TBC1D32: variants seen among roughly 807,000 people sequenced by gnomAD.
TBC1D32 encodes protein broad-minded.
In TBC1D32, 151 loss-of-function variants were observed where a neutral mutation model predicts 170.3. The observed-to-expected ratio is 0.89, with a 90% confidence interval of 0.78 to 1.01. The LOEUF (loss-of-function observed/expected upper bound fraction) is 1.01, where lower values mean the gene tolerates loss of function less well. TBC1D32 is among the 50% of genes least tolerant of loss of function. TBC1D32 has a pLI of 0.00. For synonymous variants in TBC1D32, 498 were observed against 488.0 expected, an observed-to-expected ratio of 1.02 and a Z score of -0.27; for missense variants, 1,464 against 1,457.1, an observed-to-expected ratio of 1.00 and a Z score of -0.08.
chr6:121,124,871 G>C (rs1780663696), intron 26 of TBC1D32, among the ~76,000 whole-genome samples: 1 of 151,426 alleles, frequency 6.6e-6, no homozygotes, highest in Non-Finnish European at 1.5e-5. Flanking sequence ...CAGGATTTCT[G>C]GTTAATTTTT....
intron 17 of TBC1D32, among the ~76,000 whole-genome samples, chr6:121,248,809 T>C (rs570672010): frequency 1.3e-5 from 2 of 150,628 alleles, no homozygotes; most frequent in Non-Finnish European, 3.0e-5. Flanking sequence ...AATCAGCAAT[T>C]AAAAAAAACT....
chr6:121,202,277 A>C (rs1791672125), intron 22 of TBC1D32, among the ~76,000 whole-genome samples: 1 of 87,132 alleles, frequency 1.1e-5, no homozygotes, highest in Admixed American at 9.7e-5. Context: ...TGACTAGAGA[A>C]TGAAAAAAAA....
intron 2 of TBC1D32, among the ~76,000 whole-genome samples, chr6:121,321,037 C>A (rs1290405064): frequency 6.6e-6 from 1 of 152,114 alleles, no homozygotes; most frequent in Non-Finnish European, 1.5e-5. Flanking sequence ...AATAATTATT[C>A]CAGTTAAATA....
chr6:121,179,865 G>A (rs765277568), intron 22 of TBC1D32, among the ~76,000 whole-genome samples: 11 of 152,026 alleles, frequency 7.2e-5, no homozygotes, highest in Non-Finnish European at 1.5e-4. Flanking sequence ...TACAGCTTTT[G>A]TCTCCATATA....
At chr6:121,248,682 GT>G in intron 17 of TBC1D32, among the ~76,000 whole-genome samples, 1 of 151,824 alleles carries the variant, frequency 6.6e-6, no homozygotes, top group South Asian at 2.1e-4. Flanking sequence ...ACACCTTTAT[GT>G]GCACAAACTA....
At position 121,256,417 on chromosome 6, in the gene TBC1D32, G is replaced by A. The variant is rs902378710; in HGVS notation, c.1734-132C>T. Reference sequence around the variant, plus strand: ...TTTTCTCAGACATGTCAATATTCACGTTCCCACCCATGCACAGATGTCTAG... The same window carrying A: ...TTTTCTCAGACATGTCAATATTCACATTCCCACCCATGCACAGATGTCTAG... On this transcript the variant is annotated intron_variant, in intron 15 of 31. Transcript: ENST00000398212. The A allele has an allele frequency of 4.3e-5, 30 of 698,980 alleles. No individual in the cohort carries two copies. In the East Asian group the frequency reaches 6.7e-4, roughly 16 times the overall value. The allele number at this position is 698,980 out of a possible 1,614,324, so 43.3% of individuals were successfully genotyped here.
At chr6:121,281,863 C>A (rs1004592501) in intron 13 of TBC1D32, among the ~76,000 whole-genome samples, 177 bp from the exon 14 acceptor site, 2 of 151,614 alleles carry the variant, frequency 1.3e-5, no homozygotes, top group Non-Finnish European at 3.0e-5. Context: ...TTAGGGGAAT[C>A]TCAATTGGCT....
In TBC1D32 at chr6:121,102,609, A is replaced by C. The variant is rs182789796; in HGVS notation, c.3465+3414T>G. On this transcript the variant is annotated intron_variant, in intron 30 of 31. Transcript: ENST00000398212. The stretch of plus-strand genomic sequence containing the variant: ...TAATTCAAGATGGATTAAAGACTTA[A>C]ATGTTAGACCTAAAACCATAAAAAC... Among the ~76,000 whole-genome samples, 87 of 152,246 alleles carry C rather than the reference A, an allele frequency of 5.7e-4. 3 individuals carry two copies. The East Asian group carries it at 0.016, about 28-fold the overall frequency.
At chr6:121,326,170 C>A (rs187177173) in intron 1 of TBC1D32, among the ~76,000 whole-genome samples, 6 of 152,150 alleles carry the variant, frequency 3.9e-5, no homozygotes, top group Admixed American at 3.3e-4. Context: ...AACACAAGCA[C>A]ATTAACAAAA....
At chr6:121,302,129 A>C (rs1003138134) in intron 9 of TBC1D32, among the ~76,000 whole-genome samples, 2 of 152,194 alleles carry the variant, frequency 1.3e-5, no homozygotes, top group Non-Finnish European at 2.9e-5. Context: ...AAATCCTCAT[A>C]GTATATCTCT....
At chr6:121,201,872 G>T (rs1006488870) in intron 22 of TBC1D32, among the ~76,000 whole-genome samples, 8 of 151,220 alleles carry the variant, frequency 5.3e-5, no homozygotes, top group African/African-American at 2.0e-4. Context: ...TTATAATAAA[G>T]ATCAACTATT....
chr6:121,081,088 T>C (rs1419755332), intron 31 of TBC1D32, among the ~76,000 whole-genome samples, 198 bp from the exon 32 acceptor site: 1 of 152,166 alleles, frequency 6.6e-6, no homozygotes, highest in Non-Finnish European at 1.5e-5. Flanking sequence ...TATGTCCCCC[T>C]TAAATAAAGT....
At chr6:121,195,118 G>A (rs568324400) in intron 22 of TBC1D32, among the ~76,000 whole-genome samples, 122 of 152,290 alleles carry the variant, frequency 8.0e-4, no homozygotes, top group Non-Finnish European at 1.6e-3. Context: ...TCACTTGGGT[G>A]TGTTACTCCA....
Position 121,106,519 on chromosome 6 carries a change from T to G in TBC1D32, c.3325-356A>C, listed in dbSNP as rs920902588. On this transcript the variant is annotated intron_variant, in intron 29 of 31. Coordinates refer to ENST00000398212, the MANE Select transcript of TBC1D32 (RefSeq NM_152730.6). Reference sequence around the variant, plus strand: ...TGAGTACACGAGTAATACTTTACATTTTAATACTAAGTGTACTGAAATATG... The same window carrying G: ...TGAGTACACGAGTAATACTTTACATGTTAATACTAAGTGTACTGAAATATG... Among the ~76,000 whole-genome samples, 6 of 152,044 alleles carry G rather than the reference T, an allele frequency of 3.9e-5. No homozygotes were observed. The East Asian group carries it at 1.2e-3, about 29-fold the overall frequency.
chr6:121,291,439 C>CA (rs1219309529), intron 12 of TBC1D32, among the ~76,000 whole-genome samples: 3 of 151,254 alleles, frequency 2.0e-5, no homozygotes, highest in African/African-American at 7.3e-5. Flanking sequence ...CAAAAAAAAA[C>CA]AAAAAAACAA....
chr6:121,169,340 T>C (rs1786622377), intron 22 of TBC1D32, among the ~76,000 whole-genome samples: 2 of 152,270 alleles, frequency 1.3e-5, no homozygotes, highest in South Asian at 2.1e-4. Context: ...ACTTAATAAA[T>C]AGTGCTGGGA....
chr6:121,296,874 C>T (rs1047934415), intron 10 of TBC1D32, among the ~76,000 whole-genome samples: 1 of 151,878 alleles, frequency 6.6e-6, no homozygotes, highest in East Asian at 1.9e-4. Context: ...AACAATAGTC[C>T]GCTTCTTTAA....
intron 22 of TBC1D32, among the ~76,000 whole-genome samples, chr6:121,192,085 C>CATATATATATA (rs1221051008): frequency 4.5e-5 from 3 of 66,394 alleles, no homozygotes; most frequent in Admixed American, 1.9e-4. Flanking sequence ...TATATATATC[C>CATATATATATA]TATTAGTTCT....
intron 24 of TBC1D32, among the ~76,000 whole-genome samples, chr6:121,146,738 C>T (rs953065760): frequency 1.3e-5 from 2 of 152,178 alleles, no homozygotes; most frequent in Non-Finnish European, 2.9e-5. Context: ...TAAAATTATA[C>T]TTCTCTGAGC....
Sources: gnomAD v4.1 joint callset for allele counts (sites outside exome capture counted in the v4.1 genomes callset) on GRCh38, gnomAD v4.1.1 for gene constraint, MANE v1.5 for transcripts, NCBI Gene and HGNC (gene_info 2026-07-23, HGNC 2026-07-21) for gene names.